Variants in KLF8 observed in about 807,000 individuals in gnomAD.
KLF8 encodes KLF transcription factor 8, also known as Krueppel-like factor 8.
A neutral mutation model predicts 18.2 loss-of-function variants in KLF8; 10 were observed. The observed-to-expected ratio is 0.55, with a 90% CI of 0.34 to 0.93. The LOEUF (loss-of-function observed/expected upper bound fraction) is 0.93. Ranked by LOEUF, KLF8 falls within the 40% of genes least tolerant of loss-of-function variation. KLF8 has a pLI of 0.02. For synonymous variants in KLF8, 109 were observed against 97.3 expected (o/e 1.12, Z -0.71); for missense variants, 264 against 277.9 (o/e 0.95, Z 0.36).
the KLF8 span, among the ~76,000 whole-genome samples, chrX:56,073,634 C>T: frequency 9.0e-6 from 1 of 111,657 alleles, no homozygotes; most frequent in African/African-American, 3.3e-5. Flanking sequence ...TCCAATTTAT[C>T]TGTATCCTTA....
the KLF8 span, among the ~76,000 whole-genome samples, chrX:55,956,807 C>G: frequency 0.018 from 2,015 of 111,629 alleles, 19 homozygotes; most frequent in Middle Eastern, 0.042. Context: ...AACCTTTTAT[C>G]TGATATTTTA....
chrX:56,141,727 A>G, the KLF8 span, among the ~76,000 whole-genome samples: 1 of 111,590 alleles, frequency 9.0e-6, no homozygotes, highest in Non-Finnish European at 1.9e-5. Flanking sequence ...TGGTATTAAT[A>G]CTTACTTACA....
the KLF8 span, among the ~76,000 whole-genome samples, chrX:56,075,692 C>T: frequency 9.0e-3 from 1,004 of 111,542 alleles, 6 homozygotes; most frequent in Non-Finnish European, 0.011. Flanking sequence ...CTCTGGTAAC[C>T]GTCCTTATAC....
chrX:56,270,369 C>CG (rs1249116273), intron 5 of KLF8, 48 bp downstream of exon 5: 3 of 1,051,966 alleles, frequency 2.9e-6, no homozygotes, highest in Middle Eastern at 3.6e-4. Flanking sequence ...CACACACACA[C>CG]ACACACACAC....
At chrX:56,041,440 A>G in the KLF8 span, among the ~76,000 whole-genome samples, 1 of 101,821 alleles carries the variant, frequency 9.8e-6, no homozygotes, top group Non-Finnish European at 2.0e-5. Flanking sequence ...TATTGTGTCT[A>G]TTCTCTCTTT....
At chrX:56,273,783 T>C (rs1191063799) in intron 5 of KLF8, among the ~76,000 whole-genome samples, 1 of 111,872 alleles carries the variant, frequency 8.9e-6, no homozygotes, top group East Asian at 2.8e-4. Context: ...ACATCTGCTA[T>C]GTTACATTTG....
intron 5 of KLF8, among the ~76,000 whole-genome samples, chrX:56,273,369 A>AT (rs61319695): frequency 0.012 from 1,291 of 106,695 alleles, 63 homozygotes; most frequent in Admixed American, 0.11. Context: ...CAATTAAATG[A>AT]TTTTTTTTTT....
the KLF8 span, among the ~76,000 whole-genome samples, chrX:56,058,447 G>A: frequency 9.9e-5 from 10 of 101,201 alleles, no homozygotes; most frequent in South Asian, 1.9e-3. Context: ...CCATCAGCCC[G>A]TCACCTACAT....
chrX:56,007,645 G>A, the KLF8 span, among the ~76,000 whole-genome samples: 1 of 111,666 alleles, frequency 9.0e-6, no homozygotes, highest in Non-Finnish European at 1.9e-5. Context: ...TTTGACATGT[G>A]ATTATCTACT....
the KLF8 span, among the ~76,000 whole-genome samples, chrX:56,006,674 T>C: frequency 6.6e-4 from 74 of 112,766 alleles, no homozygotes; most frequent in South Asian, 2.2e-3. Context: ...TTGCCCACTT[T>C]TAAATGGGAT....
chrX:56,126,752 C>CTTTTTTTTT, the KLF8 span, among the ~76,000 whole-genome samples: 4 of 72,599 alleles, frequency 5.5e-5, no homozygotes, highest in African/African-American at 8.7e-5. Context: ...TTCTTTCTTT[C>CTTTTTTTTT]TTTTTTTTTT....
chrX:56,087,057 G>A, the KLF8 span, among the ~76,000 whole-genome samples: 10 of 111,434 alleles, frequency 9.0e-5, no homozygotes, highest in East Asian at 8.5e-4. Context: ...TCTGGAAGCC[G>A]AATTCAGAGG....
chrX:56,064,942 G>A, the KLF8 span, among the ~76,000 whole-genome samples: 1 of 111,521 alleles, frequency 9.0e-6, no homozygotes, highest in South Asian at 3.7e-4. Context: ...GGCATGTAAG[G>A]TTTGCTGAGA....
At chrX:56,023,653 T>A in the KLF8 span, among the ~76,000 whole-genome samples, 2 of 111,721 alleles carry the variant, frequency 1.8e-5, no homozygotes, top group Non-Finnish European at 3.8e-5. Context: ...CATACTTTTT[T>A]TTTTTAACAC....
At chrX:56,268,827 C>T (rs1264704813) in intron 3 of KLF8, 5 of 819,392 alleles carry the variant, frequency 6.1e-6, no homozygotes, top group African/African-American at 2.3e-5. Context: ...GACAGCTTCT[C>T]CCAACATAGG....
the KLF8 span, among the ~76,000 whole-genome samples, chrX:55,923,269 T>G: frequency 1.2e-5 from 1 of 85,175 alleles, no homozygotes; most frequent in Admixed American, 1.6e-4. Context: ...AAGTGGGAGC[T>G]GAATGATGAA....
chrX:56,121,104 T>G, the KLF8 span, among the ~76,000 whole-genome samples: 136 of 101,788 alleles, frequency 1.3e-3, 1 homozygote, highest in Non-Finnish European at 2.3e-3. Flanking sequence ...GAGAATGGCG[T>G]GAACCCGGGA....
the KLF8 span, among the ~76,000 whole-genome samples, chrX:56,072,647 C>A: frequency 1.8e-5 from 2 of 112,397 alleles, no homozygotes; most frequent in African/African-American, 6.4e-5. Flanking sequence ...TTTATTACCA[C>A]AAGAAGCTTA....
the KLF8 span, among the ~76,000 whole-genome samples, chrX:56,054,902 T>C: frequency 8.9e-6 from 1 of 112,063 alleles, no homozygotes; most frequent in Admixed American, 9.5e-5. Flanking sequence ...TAGGATTACA[T>C]TTTGTGCTTT....
Sources: allele counts gnomAD v4.1 joint callset (sites outside exome capture counted in the v4.1 genomes callset), GRCh38; gene constraint gnomAD v4.1.1; transcripts MANE v1.5; gene names NCBI Gene and HGNC (gene_info 2026-07-23, HGNC 2026-07-21).